The following DCAF1 variants were observed in gnomAD, a reference collection of about 807,000 sequenced individuals.
DCAF1 encodes DDB1- and CUL4-associated factor 1.
In DCAF1, 15 loss-of-function variants were observed where a neutral mutation model predicts 128.0. The ratio of observed to expected loss-of-function variants is 0.12; its 90% CI spans 0.08 to 0.18. DCAF1 has a LOEUF of 0.18. Ranked by LOEUF, DCAF1 falls within the 10% of genes least tolerant of loss-of-function variation. The probability of loss-of-function intolerance (pLI) is 1.00; values close to 1 mark genes in which losing one functional copy is unlikely to be tolerated. For synonymous variants in DCAF1, 610 were observed against 603.0 expected (o/e 1.01, Z -0.17); for missense variants, 988 against 1,649.5 (o/e 0.60, Z 6.95).
downstream of DCAF1, chr3:51,396,157 T>TG: frequency 2.5e-6 from 1 of 392,748 alleles, no homozygotes; most frequent in Admixed American, 4.5e-5. Context: ...ATGAAGCAGG[T>TG]GCTCAGGACC....
At chr3:51,476,758 A>G (rs1553650670) in intron 3 of DCAF1, among the ~76,000 whole-genome samples, 1 of 151,766 alleles carries the variant, frequency 6.6e-6, no homozygotes, top group Non-Finnish European at 1.5e-5. Context: ...GGTGCCTGTA[A>G]TCCCAGATAC....
chr3:51,441,364 T>G (rs782202283), intron 8 of DCAF1, 21 bp downstream of exon 8: 6 of 1,604,816 alleles, frequency 3.7e-6, no homozygotes, highest in Non-Finnish European at 5.1e-6. Context: ...GTGTGAACAG[T>G]ACTCTTCCCA....
intron 6 of DCAF1, among the ~76,000 whole-genome samples, chr3:51,446,788 C>T (rs782127726): frequency 5.3e-5 from 8 of 151,442 alleles, no homozygotes; most frequent in Non-Finnish European, 5.9e-5. Flanking sequence ...TGGTGAAACC[C>T]CCATCTTTAC....
In DCAF1 at chr3:51,477,318, A is replaced by C. The variant is rs539394197; in HGVS notation, c.111-6313T>G. Among the ~76,000 whole-genome samples the C allele has an allele frequency of 3.5e-5, 5 of 144,190 alleles. No homozygotes were observed. The East Asian group carries it at 9.8e-4, about 28-fold the overall frequency. The allele number at this position is 144,190 out of a possible 152,430, so 94.6% of individuals were successfully genotyped here. ...CAAACCTGCAGCCAGATGAGTGAAG[A>C]AAAAAAAAAAACAAAAAACCCTAGA... On this transcript the variant is annotated intron_variant, in intron 3 of 24. Coordinates refer to ENST00000684031, the MANE Select transcript of DCAF1 (RefSeq NM_001387579.1).
rs1448305063 is a variant in DCAF1 at position 51,484,697 on chromosome 3, T to C, written c.-8-861A>G. Reference sequence around the variant, plus strand: ...TTAATTTTTTCTTTTTTTTTTTTTTTTTTGAGATGGAGTCTCACTCTGTCA... The same window carrying C: ...TTAATTTTTTCTTTTTTTTTTTTTTCTTTGAGATGGAGTCTCACTCTGTCA... On this transcript the variant is annotated intron_variant, in intron 2 of 24. Coordinates refer to ENST00000684031, the MANE Select transcript of DCAF1 (RefSeq NM_001387579.1). Among the ~76,000 whole-genome samples the C allele has an allele frequency of 1.7e-4, 25 of 149,602 alleles. 1 individual carries two copies. The East Asian group carries it at 4.9e-3, about 29-fold the overall frequency.
At chr3:51,444,572 G>A (rs1701662061) in intron 6 of DCAF1, among the ~76,000 whole-genome samples, 1 of 151,994 alleles carries the variant, frequency 6.6e-6, no homozygotes, top group Non-Finnish European at 1.5e-5. Flanking sequence ...GGCTGGTCTC[G>A]AACTCTTGAC....
chr3:51,403,724 C>T (rs1025202240), intron 23 of DCAF1, among the ~76,000 whole-genome samples: 3 of 152,210 alleles, frequency 2.0e-5, no homozygotes, highest in South Asian at 4.1e-4. Context: ...CCTGCATCAA[C>T]CAAAGCAAGT....
intron 2 of DCAF1, among the ~76,000 whole-genome samples, chr3:51,493,738 C>T (rs1553659407): frequency 6.6e-6 from 1 of 152,096 alleles, no homozygotes; most frequent in Admixed American, 6.6e-5. Context: ...TGGCTCACAC[C>T]TGTAACCCCA....
chr3:51,441,229 T>A (rs1480754618), intron 8 of DCAF1, among the ~76,000 whole-genome samples, 156 bp downstream of exon 8: 1 of 152,174 alleles, frequency 6.6e-6, no homozygotes, highest in Non-Finnish European at 1.5e-5. Flanking sequence ...ATAGACCATA[T>A]CAGGAATGAC....
chr3:51,475,140 G>A (rs1553649999), intron 3 of DCAF1, among the ~76,000 whole-genome samples: 1 of 151,736 alleles, frequency 6.6e-6, no homozygotes, highest in East Asian at 1.9e-4. Context: ...ATGTTGCCCA[G>A]GCTGGTCTTG....
At chr3:51,433,735 T>A (rs1700577162) in intron 9 of DCAF1, among the ~76,000 whole-genome samples, 1 of 147,754 alleles carries the variant, frequency 6.8e-6, no homozygotes, top group Admixed American at 6.8e-5. Context: ...AGTGCTGGGA[T>A]TACAGGCGTG....
intron 13 of DCAF1, among the ~76,000 whole-genome samples, chr3:51,425,784 G>A (rs1553633957): frequency 3.3e-5 from 5 of 151,222 alleles, no homozygotes; most frequent in South Asian, 2.1e-4. Flanking sequence ...GGCTGGTCTC[G>A]AACTCCTGAT....
intron 3 of DCAF1, 72 bp downstream of exon 3, chr3:51,483,647 A>T: frequency 5.0e-6 from 3 of 597,740 alleles, no homozygotes; most frequent in Non-Finnish European, 8.8e-6. Context: ...GTGTGTGTGT[A>T]TGAAGAAATC....
At chr3:51,462,745 CAAAAAAA>C (rs10715121) in intron 6 of DCAF1, among the ~76,000 whole-genome samples, 1 of 79,362 alleles carries the variant, frequency 1.3e-5, no homozygotes, top group Non-Finnish European at 2.6e-5. Flanking sequence ...GACACCATCT[CAAAAAAA>C]AAAAAAAAAA....
chr3:51,454,560 G>C (rs188280881), intron 6 of DCAF1, among the ~76,000 whole-genome samples: 5 of 150,582 alleles, frequency 3.3e-5, no homozygotes, highest in Non-Finnish European at 7.4e-5. Context: ...ACAGGGTTTT[G>C]CCATGTTGGC....
intron 4 of DCAF1, among the ~76,000 whole-genome samples, chr3:51,467,860 C>T (rs1369636923): frequency 6.6e-6 from 1 of 152,074 alleles, no homozygotes; most frequent in African/African-American, 2.4e-5. Context: ...AAACTTCTGA[C>T]TCCCCATCCA....
intron 1 of DCAF1, among the ~76,000 whole-genome samples, chr3:51,497,121 C>G (rs1382467970): frequency 6.6e-6 from 1 of 151,806 alleles, no homozygotes; most frequent in East Asian, 1.9e-4. Context: ...GCGGCAAATC[C>G]CCATCTCTAC....
chr3:51,463,175 G>C lies in DCAF1; in HGVS notation c.314C>G (p.Ala105Gly), dbSNP rs1429204159. Residue 105 changes from alanine (A) to glycine (G), a missense_variant, in exon 6 of 25, where the codon GCT becomes GGT. Around this residue, in one of 11 missense-constraint regions of DCAF1, gnomAD observed 210 missense variants for 260.2 expected, o/e 0.81. Coordinates refer to ENST00000684031, the MANE Select transcript of DCAF1 (RefSeq NM_001387579.1). ...CATGATGTCTAATAGGAGTCTGCAAGCTGCAGTGTTTAAAGGGGGCTCTCG... is the reference window on the plus strand; with the variant it reads ...CATGATGTCTAATAGGAGTCTGCAACCTGCAGTGTTTAAAGGGGGCTCTCG... ...TSREPPLNTA[A>G]CRLLLDIMPG... 1 of 1,597,402 alleles carries C rather than the reference G, an allele frequency of 6.3e-7. No homozygotes were observed. Among genetic ancestry groups the C allele is most frequent in the African/African-American group, 1.3e-5 (1 of 74,210 alleles).
At chr3:51,443,196 C>T (rs1482229269) in intron 7 of DCAF1, among the ~76,000 whole-genome samples, 1 of 152,076 alleles carries the variant, frequency 6.6e-6, no homozygotes, top group African/African-American at 2.4e-5. Flanking sequence ...AATTTTACTA[C>T]ATGTTTGAAA....
Sources: allele counts gnomAD v4.1 joint callset (sites outside exome capture counted in the v4.1 genomes callset), GRCh38; gene constraint gnomAD v4.1.1; regional missense constraint gnomAD v4.1.1; transcripts MANE v1.5; gene names NCBI Gene and HGNC (gene_info 2026-07-23, HGNC 2026-07-21).